The following FHOD1 variants were observed in gnomAD, a reference collection of about 807,000 sequenced individuals.
FHOD1 encodes FH1/FH2 domain-containing protein 1.
FHOD1 carries 89 observed loss-of-function variants against 111.6 expected under a neutral mutation model. The ratio of observed to expected loss-of-function variants is 0.80; its 90% CI spans 0.67 to 0.95. The LOEUF (loss-of-function observed/expected upper bound fraction) is 0.95, where lower values mean the gene tolerates loss of function less well. FHOD1 is among the 40% of genes least tolerant of loss of function. The probability of loss-of-function intolerance (pLI) is 0.00; values close to 1 mark genes in which losing one functional copy is unlikely to be tolerated. For missense variants in FHOD1, 1,446 were observed against 1,554.2 expected (o/e 0.93, Z 1.17); for synonymous variants, 618 against 639.0 (o/e 0.97, Z 0.50).
In FHOD1 at chr16:67,234,186, C is replaced by A. The variant is rs74771707; in HGVS notation, c.1517G>T (p.Arg506Leu). 3 of 1,549,086 alleles carry A rather than the reference C, an allele frequency of 1.9e-6. No individual in the cohort carries two copies. The highest frequency in any genetic ancestry group is 2.6e-6 in the Non-Finnish European group (3 of 1,145,690). The change falls in exon 13 of 22, where the codon CGG (arginine) becomes CTG (leucine). Residue 506 changes from arginine to leucine, a missense_variant. This residue lies in a region of FHOD1 where 1,085 missense variants were observed against 1,108.8 expected (regional missense o/e 0.98). Transcript: ENST00000258201. ...PQSPAPCVLL[R>L]AQRSLAPEPK... ...CTCTGGTGCAAGGCTTCGCTGGGCC[C>A]GGAGCAGGACACAGGGGGCAGGGCT...
chr16:67,236,956 T>C lies in FHOD1; in HGVS notation c.1142+10A>G, dbSNP rs1440602823. 3 of 1,572,386 alleles carry C rather than the reference T, an allele frequency of 1.9e-6. No individual in the cohort carries two copies. The highest frequency in any genetic ancestry group is 2.6e-6 in the Non-Finnish European group (3 of 1,161,062). ...TCCACCCTTTCCCATCTACAGATGCTCGTACTTACCCAGGTTCCGGGGCAC... is the reference window on the plus strand; with the variant it reads ...TCCACCCTTTCCCATCTACAGATGCCCGTACTTACCCAGGTTCCGGGGCAC... On this transcript the variant is annotated intron_variant, in intron 10 of 21. Transcript: ENST00000258201.
In FHOD1 at chr16:67,236,988, G is replaced by C; in HGVS notation, c.1120C>G (p.Pro374Ala). The C allele has an allele frequency of 6.2e-7, 1 of 1,602,766 alleles. No individual in the cohort carries two copies. Among genetic ancestry groups the C allele is most frequent in the Non-Finnish European group, 8.5e-7 (1 of 1,175,174 alleles). The change falls in exon 10 of 22, where the codon CCC (proline) becomes GCC (alanine). Residue 374 changes from proline to alanine, a missense_variant. This residue lies in a region of FHOD1 where 1,085 missense variants were observed against 1,108.8 expected (regional missense o/e 0.98). Coordinates refer to ENST00000258201, the MANE Select transcript of FHOD1 (RefSeq NM_013241.3). ...SRRSLEGGGCPARAPEPGPTG... is the reference protein window; with the variant it reads ...SRRSLEGGGCAARAPEPGPTG... ...TACCCAGGTTCCGGGGCACGCGCGG[G>C]GCAGCCCCCGCCTTCCAGAGAACGG...
Position 67,229,432 on chromosome 16 carries a change from G to A in FHOD1, c.*204C>T, listed in dbSNP as rs1205218528. The A allele has an allele frequency of 2.3e-5, 14 of 607,462 alleles. No individual in the cohort carries two copies. Among genetic ancestry groups the A allele is most frequent in the Non-Finnish European group, 4.1e-5 (14 of 340,022 alleles). 37.6% of individuals were successfully genotyped at this position (607,462 alleles called of 1,614,324 possible). A position where few individuals can be genotyped will look rare whatever the true frequency, so the allele number is the denominator to read the frequency against. On this transcript the variant is annotated 3_prime_UTR_variant, in exon 22 of 22. Coordinates refer to ENST00000258201, the MANE Select transcript of FHOD1 (RefSeq NM_013241.3). Reference sequence around the variant, plus strand: ...TTTTATTTTGCTCCGTGCGTTCAAGGAGCTCACACACATGCACATGCATAT... The same window carrying A: ...TTTTATTTTGCTCCGTGCGTTCAAGAAGCTCACACACATGCACATGCATAT...
At position 67,230,391 on chromosome 16, in the gene FHOD1, C is replaced by A; in HGVS notation, c.2974G>T (p.Glu992Ter). The A allele has an allele frequency of 6.2e-7, 1 of 1,614,250 alleles. No individual in the cohort carries two copies. Among genetic ancestry groups the A allele is most frequent in the Non-Finnish European group, 8.5e-7 (1 of 1,180,036 alleles). Reference sequence around the variant, plus strand: ...TTCTGCTGCTGCTGTAGCACTCGTTCCCGGCAAGTCCGATACTCAAGCGCA... The same window carrying A: ...TTCTGCTGCTGCTGTAGCACTCGTTACCGGCAAGTCCGATACTCAAGCGCA... ...EFALEYRTCR[E>*]RVLQQQQKQA... The change falls in exon 19 of 22, where the codon GAA (glutamate) becomes TAA (stop). Residue 992 changes from glutamate to a stop codon, truncating the protein, a stop_gained. Coordinates refer to ENST00000258201, the MANE Select transcript of FHOD1 (RefSeq NM_013241.3). LOFTEE classifies it high-confidence loss of function.
At chr16:67,246,138 G>T (rs903697177) in intron 1 of FHOD1, among the ~76,000 whole-genome samples, 1 of 152,242 alleles carries the variant, frequency 6.6e-6, no homozygotes, top group Non-Finnish European at 1.5e-5. Flanking sequence ...GCTCAGAGGC[G>T]GGGCTGGCCG....
chr16:67,230,345 C>T lies in FHOD1; in HGVS notation c.3020G>A (p.Arg1007His), dbSNP rs769610007. ...QQQKQATYRERNKTRGRMITE... is the reference protein window; with the variant it reads ...QQQKQATYREHNKTRGRMITE... ...GATCATGCGTCCCCGGGTCTTGTTG[C>T]GCTCACGGTATGTGGCCTGCTTCTG... is the stretch of plus-strand genomic sequence containing the variant. Residue 1007 changes from arginine to histidine, a missense_variant, in exon 19 of 22, where the codon CGC becomes CAC. Coordinates refer to ENST00000258201, the MANE Select transcript of FHOD1 (RefSeq NM_013241.3). 18 of 1,614,120 alleles carry T rather than the reference C, an allele frequency of 1.1e-5. No homozygotes were observed. Among genetic ancestry groups the T allele is most frequent in the East Asian group, 4.5e-5 (2 of 44,906 alleles).
In FHOD1 at chr16:67,238,403, A is replaced by G. The variant is rs1169304513; in HGVS notation, c.418T>C (p.Phe140Leu). ...ACCTGGAAGATCTGCTTCAGTGAGA[A>G]GAGGGAGCGGCGGAGCTCAGGACCA... ...SSGPELRRSL[F>L]SLKQIFQEDK... Residue 140 changes from phenylalanine (F) to leucine (L), a missense_variant, in exon 4 of 22, where the codon TTC becomes CTC. This residue lies in a region of FHOD1 where 234 missense variants were observed against 327.4 expected (regional missense o/e 0.71). Transcript: ENST00000258201. This position sits in a 1 kb window ranked among gnomAD's most constrained non-coding sequence, Gnocchi z 4.2. 3 of 1,614,028 alleles carry G rather than the reference A, an allele frequency of 1.9e-6. No homozygotes were observed. In the Admixed American group the frequency reaches 5.0e-5, roughly 27 times the overall value.
In FHOD1 at chr16:67,247,279, G is replaced by T; in HGVS notation, c.132C>A (p.Ser44Arg). The stretch of plus-strand genomic sequence containing the variant: ...CGCCCAAGGGCAGCGCCCCGTCCAG[G>T]CTGCAGGTGGGGGCCCGGCGCGGCT... The part of the protein sequence containing the change: ...FPEPRRAPTC[S>R]LDGALPLGAQ... The change falls in exon 1 of 22, where the codon AGC becomes AGA. Residue 44 changes from serine (S) to arginine (R), a missense_variant. Ser to Arg is a moderately radical substitution (Grantham distance 110, BLOSUM62 -1). Transcript: ENST00000258201. 6.2e-7 allele frequency: 1 copy of T among 1,612,602 alleles called. No individual in the cohort carries two copies. Among genetic ancestry groups the T allele is most frequent in the Non-Finnish European group, 8.5e-7 (1 of 1,179,576 alleles).
chr16:67,237,788 C>T lies in FHOD1; in HGVS notation c.643-20G>A. 6.2e-7 allele frequency: 1 copy of T among 1,603,248 alleles called. No individual in the cohort carries two copies. Among genetic ancestry groups the T allele is most frequent in the East Asian group, 2.2e-5 (1 of 44,830 alleles). On this transcript the variant is annotated intron_variant, in intron 6 of 21. Transcript: ENST00000258201. This position sits in a 1 kb window ranked among gnomAD's most constrained non-coding sequence, Gnocchi z 5.6. ...GCGGGACTGAGGAGAGAGGTCAGTACATATGAGTGGGGCTTAGGCCAGACC... is the reference window on the plus strand; with the variant it reads ...GCGGGACTGAGGAGAGAGGTCAGTATATATGAGTGGGGCTTAGGCCAGACC...
At chr16:67,245,187 C>T (rs550288249) in intron 1 of FHOD1, among the ~76,000 whole-genome samples, 14 of 152,184 alleles carry the variant, frequency 9.2e-5, no homozygotes, top group Non-Finnish European at 2.1e-4. Context: ...CCTCCATATC[C>T]CTGTGGGGGA....
chr16:67,231,002 A>G lies in FHOD1; in HGVS notation c.2667+186T>C, dbSNP rs997509675. On this transcript the variant is annotated intron_variant, in intron 17 of 21. Transcript: ENST00000258201. The surrounding 1 kb of genome is among the most constrained non-coding windows in gnomAD (Gnocchi z 4.3). ...AAGTGGCAGTTAAACAGACCCAAAGACTGAGTAGGTGTGGCCAGGCCAATA... is the reference window on the plus strand; with the variant it reads ...AAGTGGCAGTTAAACAGACCCAAAGGCTGAGTAGGTGTGGCCAGGCCAATA... 3.3e-5 allele frequency: 29 copies of G among 867,310 alleles called. No homozygotes were observed. The highest frequency in any genetic ancestry group is 3.5e-4 in the Middle Eastern group (1 of 2,846). 53.7% of individuals were successfully genotyped at this position (867,310 alleles called of 1,614,324 possible).
chr16:67,240,116 T>A (rs2034624639), intron 1 of FHOD1, among the ~76,000 whole-genome samples: 1 of 152,056 alleles, frequency 6.6e-6, no homozygotes, highest in African/African-American at 2.4e-5. Context: ...GAAGACAGGG[T>A]CTGATCCATA....
Position 67,237,806 on chromosome 16 carries a change from G to A in FHOD1, c.643-38C>T, listed in dbSNP as rs1343044880. On this transcript the variant is annotated intron_variant, in intron 6 of 21. Transcript: ENST00000258201. The surrounding 1 kb of genome is among the most constrained non-coding windows in gnomAD (Gnocchi z 5.6). The stretch of plus-strand genomic sequence containing the variant: ...GTCAGTACATATGAGTGGGGCTTAG[G>A]CCAGACCTGTGCCAGCTGTTGCTGG... The A allele has an allele frequency of 7.0e-6, 11 of 1,570,416 alleles. No individual in the cohort carries two copies. In the South Asian group the frequency reaches 1.1e-4, roughly 16 times the overall value.
chr16:67,235,538 A>G (rs2034445349), intron 11 of FHOD1, among the ~76,000 whole-genome samples: 1 of 151,712 alleles, frequency 6.6e-6, no homozygotes, highest in Non-Finnish European at 1.5e-5. Context: ...TCAAAAAAAA[A>G]AAAAACAAAA....
chr16:67,237,188 C>T lies in FHOD1; in HGVS notation c.993+51G>A, dbSNP rs2034518900. On this transcript the variant is annotated intron_variant, in intron 9 of 21. Transcript: ENST00000258201. This position sits in a 1 kb window ranked among gnomAD's most constrained non-coding sequence, Gnocchi z 5.6. Reference sequence around the variant, plus strand: ...GTGGGGTGGGGCGCTGGGGACTGCGCTTCTCTCTTCCCTCTTTCCAATCCG... The same window carrying T: ...GTGGGGTGGGGCGCTGGGGACTGCGTTTCTCTCTTCCCTCTTTCCAATCCG... 4.4e-6 allele frequency: 7 copies of T among 1,604,404 alleles called. No homozygotes were observed. In the African/African-American group the frequency reaches 5.4e-5, roughly 12 times the overall value.
rs2034559894 is a variant in FHOD1 at position 67,238,184 on chromosome 16, G to A, written c.547+18C>T. 1 of 1,613,940 alleles carries A rather than the reference G, an allele frequency of 6.2e-7. No individual in the cohort carries two copies. Among genetic ancestry groups the A allele is most frequent in the Non-Finnish European group, 8.5e-7 (1 of 1,179,804 alleles). The stretch of plus-strand genomic sequence containing the variant: ...AGGGTCGCTGGAGCAGAGGTCATGG[G>A]AGAGGGGCGGGGCTGACCTCTAAGG... On this transcript the variant is annotated intron_variant, in intron 5 of 21. Coordinates refer to ENST00000258201, the MANE Select transcript of FHOD1 (RefSeq NM_013241.3). This position sits in a 1 kb window ranked among gnomAD's most constrained non-coding sequence, Gnocchi z 4.2.
Position 67,238,376 on chromosome 16 carries a change from T to C in FHOD1, c.441+4A>G. 1 of 1,614,064 alleles carries C rather than the reference T, an allele frequency of 6.2e-7. No homozygotes were observed. Among genetic ancestry groups the C allele is most frequent in the Non-Finnish European group, 8.5e-7 (1 of 1,179,980 alleles). On this transcript the variant is annotated splice_donor_region_variant and intron_variant, in intron 4 of 21. Coordinates refer to ENST00000258201, the MANE Select transcript of FHOD1 (RefSeq NM_013241.3). The surrounding 1 kb of genome is among the most constrained non-coding windows in gnomAD (Gnocchi z 4.2). ...CTTACCCCCAGCCCACTGCGGGGCCTCACCTGGAAGATCTGCTTCAGTGAG... is the reference window on the plus strand; with the variant it reads ...CTTACCCCCAGCCCACTGCGGGGCCCCACCTGGAAGATCTGCTTCAGTGAG...
rs73591107 is a variant in FHOD1, at chr16:67,244,314, C to T, written c.201+2896G>A. Among the ~76,000 whole-genome samples, 691 of 152,066 alleles carry T rather than the reference C, an allele frequency of 4.5e-3. 5 individuals are homozygous for T. The highest frequency in any genetic ancestry group is 0.015 in the African/African-American group (638 of 41,462). On this transcript the variant is annotated intron_variant, in intron 1 of 21. Transcript: ENST00000258201. ...GAAGGGAGGGTAGAACTGGGAGGCT[C>T]TAGATTAGGAGATGAGATGCAAGGC...
rs1458258190 is a variant in FHOD1 at position 67,234,043 on chromosome 16, C to G, written c.1660G>C (p.Asp554His). Residue 554 changes from aspartate to histidine, a missense_variant, in exon 13 of 22, where the codon GAC becomes CAC. By Grantham distance (81) the Asp-to-His change is moderately conservative. Around this residue, in one of 3 missense-constraint regions of FHOD1, gnomAD observed 1,085 missense variants for 1,108.8 expected, o/e 0.98. Coordinates refer to ENST00000258201, the MANE Select transcript of FHOD1 (RefSeq NM_013241.3). ...LDFSDLGEDE[D>H]QDMLNVESVE... The stretch of plus-strand genomic sequence containing the variant: ...GACTCTACATTCAGCATGTCCTGGT[C>G]TTCATCCTCCCCTAGATCTGAAAAG... 1 of 1,613,816 alleles carries G rather than the reference C, an allele frequency of 6.2e-7. No individual in the cohort carries two copies. Among genetic ancestry groups the G allele is most frequent in the Non-Finnish European group, 8.5e-7 (1 of 1,179,966 alleles).
Sources: gnomAD v4.1 joint callset for allele counts (sites outside exome capture counted in the v4.1 genomes callset) on GRCh38, gnomAD v4.1.1 for gene constraint, gnomAD v4.1.1 regional missense constraint, Gnocchi (gnomAD v3.1) non-coding constraint, MANE v1.5 for transcripts, NCBI Gene and HGNC (gene_info 2026-07-23, HGNC 2026-07-21) for gene names.